Variants in VTI1A observed in about 807,000 individuals in gnomAD.
The protein encoded by VTI1A is vesicle transport through interaction with t-SNAREs 1A, also known as vesicle transport through interaction with t-SNAREs homolog 1A.
In VTI1A, 22 loss-of-function variants were observed where a neutral mutation model predicts 34.9. That is an observed-to-expected ratio of 0.63 (90% CI 0.45 to 0.90). VTI1A has a LOEUF of 0.90. VTI1A is among the 40% of genes least tolerant of loss of function. The probability of loss-of-function intolerance (pLI) is 0.00; values close to 1 mark genes in which losing one functional copy is unlikely to be tolerated. For missense variants in VTI1A, 268 were observed against 275.6 expected (o/e 0.97, Z 0.20); for synonymous variants, 87 against 97.3 (o/e 0.89, Z 0.62).
chr10:112,561,789 G>A (rs533068872), intron 5 of VTI1A, among the ~76,000 whole-genome samples: 225 of 152,032 alleles, frequency 1.5e-3, no homozygotes, highest in African/African-American at 5.3e-3. Flanking sequence ...TCTTTAAAGA[G>A]ACTTTAGGGA....
chr10:112,527,118 T>C lies in VTI1A; in HGVS notation c.296T>C (p.Val99Ala). 1 of 1,613,500 alleles carries C rather than the reference T, an allele frequency of 6.2e-7. No individual in the cohort carries two copies. The change falls in exon 4 of 8, where the codon GTA becomes GCA. Residue 99 changes from valine to alanine, a missense_variant. Coordinates refer to ENST00000393077, the MANE Select transcript of VTI1A (RefSeq NM_145206.4). ...KRSRIAYSDE[V>A]RNELLGDDGN... ...TCACGGATCGCCTACAGTGACGAAG[T>C]ACGGAATGAGCTCCTGGGGGATGAT...
intron 7 of VTI1A, among the ~76,000 whole-genome samples, chr10:112,753,491 T>C (rs1460857557): frequency 6.6e-6 from 1 of 152,220 alleles, no homozygotes; most frequent in African/African-American, 2.4e-5. Context: ...GGGTTATTGT[T>C]TGCTCTTGAG....
chr10:112,579,215 G>A (rs1286445894), intron 5 of VTI1A, among the ~76,000 whole-genome samples: 2 of 152,030 alleles, frequency 1.3e-5, no homozygotes, highest in East Asian at 3.9e-4. Flanking sequence ...ACTTATGTGT[G>A]GAAAAATTCT....
At chr10:112,800,490 G>A (rs1852840589) in intron 7 of VTI1A, among the ~76,000 whole-genome samples, 1 of 152,254 alleles carries the variant, frequency 6.6e-6, no homozygotes, top group Non-Finnish European at 1.5e-5. Flanking sequence ...GAGTATGATA[G>A]GAGTGGAGTA....
chr10:112,848,785 T>C, the VTI1A span, among the ~76,000 whole-genome samples: 1 of 152,200 alleles, frequency 6.6e-6, no homozygotes, highest in South Asian at 2.1e-4. Context: ...GAGACTGCCC[T>C]GAGGAGGAAG....
the VTI1A span, among the ~76,000 whole-genome samples, chr10:112,845,712 G>A: frequency 0.018 from 2,745 of 152,212 alleles, 85 homozygotes; most frequent in African/African-American, 0.063. Flanking sequence ...AGGTGGAGCT[G>A]ATGACCAAAA....
intron 7 of VTI1A, among the ~76,000 whole-genome samples, chr10:112,757,171 C>T (rs1408911515): frequency 6.6e-6 from 1 of 151,958 alleles, no homozygotes. Flanking sequence ...ATGCCCTGGG[C>T]CTCACCCTGT....
intron 7 of VTI1A, among the ~76,000 whole-genome samples, chr10:112,714,799 A>G (rs544716847): frequency 5.0e-4 from 76 of 152,390 alleles, no homozygotes; most frequent in African/African-American, 1.8e-3. Context: ...ACACTAACTG[A>G]AAAATCCACC....
chr10:112,742,049 C>T (rs765993297), intron 7 of VTI1A, among the ~76,000 whole-genome samples: 1 of 152,078 alleles, frequency 6.6e-6, no homozygotes, highest in African/African-American at 2.4e-5. Context: ...AACAAAGAAA[C>T]GAATAGGAAA....
chr10:112,563,223 G>A (rs1564828153), intron 5 of VTI1A, among the ~76,000 whole-genome samples: 1 of 152,120 alleles, frequency 6.6e-6, no homozygotes, highest in Non-Finnish European at 1.5e-5. Context: ...AGGGTCACTG[G>A]CAACAGTATA....
At chr10:112,804,652 C>T (rs994230255) in intron 7 of VTI1A, among the ~76,000 whole-genome samples, 1 of 152,022 alleles carries the variant, frequency 6.6e-6, no homozygotes, top group South Asian at 2.1e-4. Context: ...ACTCTAATCG[C>T]GGCCTTTGTC....
chr10:112,536,648 C>G (rs12354968), intron 4 of VTI1A, among the ~76,000 whole-genome samples: 1 of 151,052 alleles, frequency 6.6e-6, no homozygotes, highest in African/African-American at 2.4e-5. Flanking sequence ...GTACATTGGA[C>G]GACTCTATTA....
chr10:112,615,112 A>G (rs1408296378), intron 5 of VTI1A, among the ~76,000 whole-genome samples: 1 of 152,200 alleles, frequency 6.6e-6, no homozygotes, highest in Non-Finnish European at 1.5e-5. Context: ...TTGTATTGGC[A>G]ATGGGTTAAG....
intron 5 of VTI1A, among the ~76,000 whole-genome samples, chr10:112,582,644 T>C (rs72821897): frequency 0.013 from 1,977 of 152,264 alleles, 30 homozygotes; most frequent in Non-Finnish European, 0.015. Context: ...TCCAAAACGC[T>C]TACCTTGTTA....
chr10:112,618,606 A>G (rs1845612152), intron 5 of VTI1A, among the ~76,000 whole-genome samples: 1 of 149,028 alleles, frequency 6.7e-6, no homozygotes, highest in African/African-American at 2.5e-5. Context: ...TGTTTGGCCT[A>G]GGGGAAGGAG....
Position 112,804,166 on chromosome 10 carries a change from G to C in VTI1A, c.561-11124G>C, listed in dbSNP as rs74798733. Among the ~76,000 whole-genome samples, 1,035 of 152,298 alleles carry C rather than the reference G, an allele frequency of 6.8e-3. 5 individuals carry two copies. The highest frequency in any genetic ancestry group is 0.011 in the Non-Finnish European group (775 of 68,024). On this transcript the variant is annotated intron_variant, in intron 7 of 7. Coordinates refer to ENST00000393077, the MANE Select transcript of VTI1A (RefSeq NM_145206.4). ...CCTTCCCAGGCTGGGAAGGTATCCC[G>C]GAGCCAGCCAATGTGATGCCCTCCC... is the stretch of plus-strand genomic sequence containing the variant.
At chr10:112,647,555 C>G (rs1192873363) in intron 5 of VTI1A, among the ~76,000 whole-genome samples, 1 of 152,144 alleles carries the variant, frequency 6.6e-6, no homozygotes, top group Non-Finnish European at 1.5e-5. Context: ...ATGTTGCTTT[C>G]CGTTTAACAC....
intron 7 of VTI1A, among the ~76,000 whole-genome samples, chr10:112,724,018 T>C (rs1395010423): frequency 6.6e-6 from 1 of 152,212 alleles, no homozygotes; most frequent in South Asian, 2.1e-4. Context: ...TATGAGAAAC[T>C]TTTTTCCCTT....
chr10:112,558,748 C>T (rs1274578748), intron 5 of VTI1A, among the ~76,000 whole-genome samples: 6 of 152,188 alleles, frequency 3.9e-5, no homozygotes, highest in African/African-American at 1.2e-4. Context: ...GAGAGACACA[C>T]ACTCTCTCTC....
Sources: allele counts gnomAD v4.1 joint callset (sites outside exome capture counted in the v4.1 genomes callset), GRCh38; gene constraint gnomAD v4.1.1; transcripts MANE v1.5; gene names NCBI Gene and HGNC (gene_info 2026-07-23, HGNC 2026-07-21).